The following FGD5 variants were observed in gnomAD, a reference collection of about 807,000 sequenced individuals.
FGD5 encodes FYVE, RhoGEF and PH domain containing 5.
In FGD5, 28 loss-of-function variants were observed where a neutral mutation model predicts 133.4. The ratio of observed to expected loss-of-function variants is 0.21; its 90% CI spans 0.16 to 0.29. The LOEUF (loss-of-function observed/expected upper bound fraction) is 0.29, where lower values mean the gene tolerates loss of function less well. Ranked by LOEUF, FGD5 falls within the 10% of genes least tolerant of loss-of-function variation. The probability of loss-of-function intolerance (pLI) is 1.00; values close to 1 mark genes in which losing one functional copy is unlikely to be tolerated. For synonymous variants in FGD5, 810 were observed against 776.5 expected (o/e 1.04, Z -0.72); for missense variants, 1,858 against 1,895.2 (o/e 0.98, Z 0.36).
intron 2 of FGD5, among the ~76,000 whole-genome samples, chr3:14,878,362 G>A (rs1261429904): frequency 1.3e-5 from 2 of 152,206 alleles, no homozygotes; most frequent in African/African-American, 4.8e-5. Flanking sequence ...GCTACTGTCA[G>A]AGGAGTGGCC....
At chr3:14,903,599 C>T (rs1467239358) in intron 9 of FGD5, among the ~76,000 whole-genome samples, 3 of 147,942 alleles carry the variant, frequency 2.0e-5, no homozygotes, top group Non-Finnish European at 4.4e-5. Flanking sequence ...TGAGAATATG[C>T]GGTGTTTGGT....
rs557096369 is a variant in FGD5, at chr3:14,922,779, C to T, written c.3807+231C>T. ...CACCACCACGTTTTCAACAGAAAACCGTAGCATACGTGGCTATTGTGCTTG... is the reference window on the plus strand; with the variant it reads ...CACCACCACGTTTTCAACAGAAAACTGTAGCATACGTGGCTATTGTGCTTG... On this transcript the variant is annotated intron_variant, in intron 15 of 19. Coordinates refer to ENST00000285046, the MANE Select transcript of FGD5 (RefSeq NM_152536.4). This position sits in a 1 kb window ranked among gnomAD's most constrained non-coding sequence, Gnocchi z 4.1. Among the ~76,000 whole-genome samples the T allele has an allele frequency of 1.4e-4, 22 of 152,230 alleles. 2 individuals carry two copies. The South Asian group carries it at 2.3e-3, about 16-fold the overall frequency.
intron 1 of FGD5, among the ~76,000 whole-genome samples, chr3:14,824,109 G>A (rs935626841): frequency 6.6e-6 from 1 of 152,206 alleles, no homozygotes; most frequent in Non-Finnish European, 1.5e-5. Context: ...CAGACTGACT[G>A]GAATAAATCT....
At chr3:14,905,390 G>A (rs1482994089) in intron 9 of FGD5, among the ~76,000 whole-genome samples, 1 of 152,072 alleles carries the variant, frequency 6.6e-6, no homozygotes, top group Non-Finnish European at 1.5e-5. Flanking sequence ...TTATCCAGTT[G>A]TGATTCTTGA....
At chr3:14,923,335 C>T (rs1391516895) in intron 16 of FGD5, 160 bp downstream of exon 16, 65 of 987,388 alleles carry the variant, frequency 6.6e-5, no homozygotes, top group Non-Finnish European at 8.9e-5. Context: ...GCACCATTTT[C>T]CAATATGTGG....
chr3:14,932,625 C>G lies in FGD5; in HGVS notation c.4246C>G (p.Pro1416Ala). 6.2e-7 allele frequency: 1 copy of G among 1,613,980 alleles called. No individual in the cohort carries two copies. Among genetic ancestry groups the G allele is most frequent in the Non-Finnish European group, 8.5e-7 (1 of 1,179,850 alleles). Residue 1416 changes from proline to alanine, a missense_variant, in exon 19 of 20, where the codon CCA becomes GCA. This residue lies in a region of FGD5 where 1,824 missense variants were observed against 1,848.9 expected (regional missense o/e 0.99). Transcript: ENST00000285046. ...SMPLLGFTIAPEKEEGSSEVG... is the reference protein window; with the variant it reads ...SMPLLGFTIAAEKEEGSSEVG... ...GCCTCTGCTAGGCTTCACCATTGCTCCAGAAAAGGAAGAGGGCAGCAGTGA... is the reference window on the plus strand; with the variant it reads ...GCCTCTGCTAGGCTTCACCATTGCTGCAGAAAAGGAAGAGGGCAGCAGTGA...
chr3:14,880,179 C>A (rs1424928063), intron 2 of FGD5, among the ~76,000 whole-genome samples: 2 of 151,742 alleles, frequency 1.3e-5, no homozygotes, highest in African/African-American at 2.4e-5. Context: ...GTAATGAGAC[C>A]CTGTCTCTAC....
At chr3:14,886,945 C>T (rs888580380) in intron 4 of FGD5, among the ~76,000 whole-genome samples, 1 of 152,124 alleles carries the variant, frequency 6.6e-6, no homozygotes, top group African/African-American at 2.4e-5. Context: ...TATTTTATGG[C>T]CCAGCATACG....
intron 2 of FGD5, among the ~76,000 whole-genome samples, chr3:14,874,936 G>A (rs988445852): frequency 2.0e-5 from 3 of 152,138 alleles, no homozygotes; most frequent in Non-Finnish European, 4.4e-5. Flanking sequence ...TTCTCCCCTC[G>A]CTTGTCCTGG....
intron 11 of FGD5, among the ~76,000 whole-genome samples, chr3:14,913,305 C>T (rs551057088): frequency 2.6e-5 from 4 of 152,296 alleles, no homozygotes; most frequent in South Asian, 4.1e-4. Context: ...TCTCCCTTCC[C>T]GCTGACAGTT....
rs1284538458 is a variant in FGD5, at chr3:14,872,687, T to C, written c.2659-7885T>C. ...TTAAATGTATTACAGTTAGGCCTTA[T>C]ATGTCAAAAGATGAAGCTGGGGCGG... On this transcript the variant is annotated intron_variant, in intron 2 of 19. Transcript: ENST00000285046. Among the ~76,000 whole-genome samples, 4 of 152,242 alleles carry C rather than the reference T, an allele frequency of 2.6e-5. No individual in the cohort carries two copies. The East Asian group carries it at 5.8e-4, about 22-fold the overall frequency.
At chr3:14,873,398 T>C (rs1047353492) in intron 2 of FGD5, among the ~76,000 whole-genome samples, 2 of 152,182 alleles carry the variant, frequency 1.3e-5, no homozygotes, top group Non-Finnish European at 2.9e-5. Flanking sequence ...GCCTAAGTGC[T>C]CCTTGGAAGA....
rs559997302 is a variant in FGD5 at position 14,931,101 on chromosome 3, C to T, written c.4198-1476C>T. Reference sequence around the variant, plus strand: ...GAATTGAACTGATGAGAGTGAACACCATTCTTGCCTTGTTTCCAATTTTAA... The same window carrying T: ...GAATTGAACTGATGAGAGTGAACACTATTCTTGCCTTGTTTCCAATTTTAA... On this transcript the variant is annotated intron_variant, in intron 18 of 19. Coordinates refer to ENST00000285046, the MANE Select transcript of FGD5 (RefSeq NM_152536.4). The T allele has an allele frequency of 2.0e-5, 3 of 152,226 alleles. No homozygotes were observed. The South Asian group carries it at 6.2e-4, about 32-fold the overall frequency. The allele number at this position is 152,226 out of a possible 1,614,324, so 9.4% of individuals were successfully genotyped here.
intron 1 of FGD5, among the ~76,000 whole-genome samples, chr3:14,827,484 A>G (rs977648690): frequency 6.6e-6 from 1 of 151,760 alleles, no homozygotes; most frequent in Non-Finnish European, 1.5e-5. Flanking sequence ...GGGTTTCACC[A>G]TATTAGCCAG....
chr3:14,930,512 G>A (rs1025631007), intron 18 of FGD5, among the ~76,000 whole-genome samples: 7 of 152,006 alleles, frequency 4.6e-5, no homozygotes, highest in East Asian at 3.9e-4. Context: ...CATGAGAATC[G>A]CTTGAACACA....
intron 2 of FGD5, among the ~76,000 whole-genome samples, chr3:14,877,853 A>T (rs1165836613): frequency 6.6e-6 from 1 of 152,188 alleles, no homozygotes; most frequent in Non-Finnish European, 1.5e-5. Context: ...TGATTGTCAC[A>T]GTGGGGGTTG....
At chr3:14,898,125 T>C (rs772279884) in intron 6 of FGD5, 30 bp downstream of exon 6, 1 of 1,613,086 alleles carries the variant, frequency 6.2e-7, no homozygotes, top group Non-Finnish European at 8.5e-7. Context: ...GAGACCCTGC[T>C]GTAAGGATGC....
At chr3:14,909,839 C>T (rs954986514) in intron 10 of FGD5, among the ~76,000 whole-genome samples, 3 of 149,400 alleles carry the variant, frequency 2.0e-5, no homozygotes, top group African/African-American at 7.4e-5. Context: ...TATCTAGACT[C>T]ACTGCAACCT....
intron 1 of FGD5, among the ~76,000 whole-genome samples, chr3:14,858,284 G>A (rs2037325249): frequency 6.6e-6 from 1 of 151,100 alleles, no homozygotes. Flanking sequence ...ATGGCTGAGT[G>A]AGTAGATGGA....
Sources: gnomAD v4.1 joint callset for allele counts (sites outside exome capture counted in the v4.1 genomes callset) on GRCh38, gnomAD v4.1.1 for gene constraint, gnomAD v4.1.1 regional missense constraint, Gnocchi (gnomAD v3.1) non-coding constraint, MANE v1.5 for transcripts, NCBI Gene and HGNC (gene_info 2026-07-23, HGNC 2026-07-21) for gene names.